Variants in SYNPO2 observed in about 807,000 individuals in gnomAD.
SYNPO2 encodes the protein synaptopodin 2.
Under a neutral mutation model 85.0 loss-of-function variants are expected in SYNPO2, and 56 were observed. The ratio of observed to expected loss-of-function variants is 0.66; its 90% CI spans 0.53 to 0.82. SYNPO2 has a LOEUF of 0.82. Among genes scored for constraint, SYNPO2 ranks in the 40% least tolerant of loss-of-function variants. The pLI is 0.00. For missense variants in SYNPO2, 1,575 were observed against 1,534.2 expected, an observed-to-expected ratio of 1.03 and a Z score of -0.44; for synonymous variants, 602 against 591.1, an observed-to-expected ratio of 1.02 and a Z score of -0.27.
At chr4:118,960,143 C>A (rs1735027593) in intron 1 of SYNPO2, among the ~76,000 whole-genome samples, 1 of 152,178 alleles carries the variant, frequency 6.6e-6, no homozygotes, top group South Asian at 2.1e-4. Context: ...TTCTCCTAGT[C>A]TCCAGAGGGA....
chr4:118,932,552 T>G (rs1294466780), intron 1 of SYNPO2, among the ~76,000 whole-genome samples: 1 of 152,176 alleles, frequency 6.6e-6, no homozygotes, highest in Non-Finnish European at 1.5e-5. Context: ...ATTTAATATT[T>G]TGTAGATAAT....
intron 4 of SYNPO2, among the ~76,000 whole-genome samples, chr4:119,054,207 G>T (rs998132886): frequency 2.0e-5 from 3 of 152,226 alleles, no homozygotes; most frequent in African/African-American, 7.2e-5. Context: ...TGCCCAGGTG[G>T]GGGTGCTTGC....
chr4:118,943,393 G>T (rs1194295994), intron 1 of SYNPO2, among the ~76,000 whole-genome samples: 2 of 152,188 alleles, frequency 1.3e-5, no homozygotes, highest in Admixed American at 6.5e-5. Context: ...TGAAGTCAGG[G>T]TTTAGCATGA....
intron 1 of SYNPO2, among the ~76,000 whole-genome samples, chr4:119,021,584 C>T (rs1674601821): frequency 6.6e-6 from 1 of 152,142 alleles, no homozygotes. Context: ...AAAATGAAAT[C>T]TAAGCACATT....
chr4:118,962,221 G>A (rs1279753480), intron 1 of SYNPO2, among the ~76,000 whole-genome samples: 1 of 152,142 alleles, frequency 6.6e-6, no homozygotes, highest in Non-Finnish European at 1.5e-5. Context: ...AGAGAAAAAT[G>A]ATTAGAAAAG....
At chr4:119,035,833 A>AAC (rs1222173371) in intron 4 of SYNPO2, 2 of 984,862 alleles carry the variant, frequency 2.0e-6, no homozygotes, top group African/African-American at 3.5e-5. Flanking sequence ...AAAAAAAAAA[A>AAC]AACACCTGAT....
At chr4:118,881,857 A>G (rs1324302335) in intron 1 of SYNPO2, among the ~76,000 whole-genome samples, 2 of 152,210 alleles carry the variant, frequency 1.3e-5, no homozygotes, top group African/African-American at 2.4e-5. Context: ...CGCATGTTTC[A>G]TTCCTGGAAA....
intron 4 of SYNPO2, among the ~76,000 whole-genome samples, chr4:119,052,470 C>T (rs936419408): frequency 6.6e-6 from 1 of 152,210 alleles, no homozygotes; most frequent in African/African-American, 2.4e-5. Flanking sequence ...CTCTCTGGGC[C>T]TGTCTGGCCC....
chr4:118,982,103 AG>A (rs1312026954), intron 1 of SYNPO2, among the ~76,000 whole-genome samples: 1 of 152,234 alleles, frequency 6.6e-6, no homozygotes. Flanking sequence ...ACATACTTCC[AG>A]GGAGTCAACT....
intron 4 of SYNPO2, among the ~76,000 whole-genome samples, chr4:119,055,912 AC>A (rs1056929300): frequency 5.3e-5 from 8 of 152,132 alleles, no homozygotes; most frequent in Non-Finnish European, 7.3e-5. Context: ...TAAAAAAAAA[AC>A]GAAACATTTG....
chr4:118,930,848 G>A lies in SYNPO2; in HGVS notation c.105+41707G>A, dbSNP rs527671742. Among the ~76,000 whole-genome samples the A allele has an allele frequency of 3.3e-5, 5 of 151,208 alleles. No individual in the cohort carries two copies. In the South Asian group the frequency reaches 1.0e-3, roughly 32 times the overall value. ...TGGGTGGATCACTTGAGCCCGGAAG[G>A]TTGAGGCTGCAGTGAGCCATGTTAG... On this transcript the variant is annotated intron_variant, in intron 1 of 4. Transcript: ENST00000307142.
At chr4:118,882,267 T>C (rs1224560021) in intron 1 of SYNPO2, among the ~76,000 whole-genome samples, 2 of 152,192 alleles carry the variant, frequency 1.3e-5, no homozygotes, top group Non-Finnish European at 2.9e-5. Context: ...CTGTTCCAAA[T>C]AATCACAACC....
chr4:119,000,065 T>C (rs1273694182), intron 1 of SYNPO2, among the ~76,000 whole-genome samples: 4 of 152,122 alleles, frequency 2.6e-5, no homozygotes, highest in African/African-American at 9.7e-5. Context: ...AGAGTCTCAT[T>C]CTGCTACCCA....
chr4:118,937,892 A>G (rs1690708999), intron 1 of SYNPO2, among the ~76,000 whole-genome samples: 2 of 152,172 alleles, frequency 1.3e-5, no homozygotes, highest in Admixed American at 1.3e-4. Flanking sequence ...ATGGCATAGT[A>G]TTTTCATATA....
At chr4:118,852,157 A>G (rs1731430666) in intron 1 of SYNPO2, among the ~76,000 whole-genome samples, 1 of 152,264 alleles carries the variant, frequency 6.6e-6, no homozygotes, top group Non-Finnish European at 1.5e-5. Flanking sequence ...AATGCAAATC[A>G]AAACCACAAT....
intron 1 of SYNPO2, chr4:119,006,338 A>C (rs1737029700): frequency 1.3e-5 from 2 of 152,196 alleles, no homozygotes; most frequent in South Asian, 4.1e-4. Flanking sequence ...TATCCAGTGA[A>C]TTTGTGTCCA....
At chr4:118,978,498 A>G (rs1435425559) in intron 1 of SYNPO2, among the ~76,000 whole-genome samples, 4 of 152,170 alleles carry the variant, frequency 2.6e-5, no homozygotes, top group Admixed American at 1.3e-4. Flanking sequence ...CTTCGGCTAT[A>G]CCTTATCCTC....
chr4:119,028,709 A>T lies in SYNPO2; in HGVS notation c.1070-1136A>T, dbSNP rs190991663. 1.7e-3 allele frequency among the ~76,000 whole-genome samples: 264 copies of T among 152,062 alleles called. 1 individual carries two copies. Among genetic ancestry groups the T allele is most frequent in the East Asian group, 0.011 (55 of 5,192 alleles). On this transcript the variant is annotated intron_variant, in intron 3 of 4. Transcript: ENST00000307142. ...TATTTCCTTGGATTATATTTTATTTAAAAAAAATTAACCATTAAGTCTGTG... is the reference window on the plus strand; with the variant it reads ...TATTTCCTTGGATTATATTTTATTTTAAAAAAATTAACCATTAAGTCTGTG...
chr4:119,033,027 A>G, intron 4 of SYNPO2: 11 of 976,538 alleles, frequency 1.1e-5, no homozygotes, highest in Non-Finnish European at 1.3e-5. Flanking sequence ...GGCAAGTGGT[A>G]GAGTATACAG....
Sources: allele counts gnomAD v4.1 joint callset (sites outside exome capture counted in the v4.1 genomes callset), GRCh38; gene constraint gnomAD v4.1.1; transcripts MANE v1.5; gene names NCBI Gene and HGNC (gene_info 2026-07-23, HGNC 2026-07-21).